Variants in ST8SIA6 observed in about 807,000 individuals in gnomAD.
ST8SIA6 encodes alpha-2,8-sialyltransferase 8F.
Under a neutral mutation model 33.6 loss-of-function variants are expected in ST8SIA6, and 39 were observed. The ratio of observed to expected loss-of-function variants is 1.16; its 90% CI spans 0.90 to 1.52. The LOEUF is 1.52. Among genes scored for constraint, ST8SIA6 ranks in the 40% most tolerant of loss-of-function variants. The pLI is 0.00. For missense variants in ST8SIA6, 441 were observed against 443.8 expected, an observed-to-expected ratio of 0.99 and a Z score of 0.06; for synonymous variants, 172 against 167.2, an observed-to-expected ratio of 1.03 and a Z score of -0.22.
intron 4 of ST8SIA6, among the ~76,000 whole-genome samples, chr10:17,333,143 A>G (rs1848354949): frequency 6.6e-6 from 1 of 152,196 alleles, no homozygotes; most frequent in African/African-American, 2.4e-5. Flanking sequence ...CCCATTCACA[A>G]TTGCCACAAA....
In ST8SIA6 at chr10:17,454,472, T is replaced by TCCCGGC. The variant is rs1484200129; in HGVS notation, c.-223_-218dup. 6.4e-6 allele frequency: 1 copy of TCCCGGC among 156,060 alleles called. No individual in the cohort carries two copies. The highest frequency in any genetic ancestry group is 1.4e-5 in the Non-Finnish European group (1 of 70,712). 9.7% of individuals were successfully genotyped at this position (156,060 alleles called of 1,614,324 possible). Reference sequence around the variant, plus strand: ...AGCCGCGTTCGGGCTCGCCCCGGGCTCCCGGCCCCGGCCCGCGGAGCGCCG... The same window carrying TCCCGGC: ...AGCCGCGTTCGGGCTCGCCCCGGGCTCCCGGCCCCGGCCCCGGCCCGCGGAGCGCCG... On this transcript the variant is annotated 5_prime_UTR_variant, in exon 1 of 8. Coordinates refer to ENST00000377602, the MANE Select transcript of ST8SIA6 (RefSeq NM_001004470.3). This position sits in a 1 kb window ranked among gnomAD's most constrained non-coding sequence, Gnocchi z 4.1.
chr10:17,342,658 T>G (rs1338383779), intron 4 of ST8SIA6, among the ~76,000 whole-genome samples: 1 of 151,978 alleles, frequency 6.6e-6, no homozygotes, highest in Non-Finnish European at 1.5e-5. Flanking sequence ...ATTTAGTAGG[T>G]GGAAAGAACA....
At chr10:17,322,184 G>C (rs1847975941) in intron 7 of ST8SIA6, among the ~76,000 whole-genome samples, 1 of 146,614 alleles carries the variant, frequency 6.8e-6, no homozygotes, top group Non-Finnish European at 1.5e-5. Context: ...GAAAGAAGGA[G>C]AGAAAGAGAG....
At chr10:17,412,939 T>G (rs1038955269) in intron 2 of ST8SIA6, among the ~76,000 whole-genome samples, 4 of 152,232 alleles carry the variant, frequency 2.6e-5, no homozygotes, top group Non-Finnish European at 5.9e-5. Flanking sequence ...AATTGTCATG[T>G]GTACTCCAAA....
rs1303622079 is a variant in ST8SIA6, at chr10:17,318,658, T to C, written c.*2220A>G. 4.3e-6 allele frequency: 2 copies of C among 470,020 alleles called. No individual in the cohort carries two copies. Among genetic ancestry groups the C allele is most frequent in the African/African-American group, 2.0e-5 (1 of 50,062 alleles). 29.1% of individuals were successfully genotyped at this position (470,020 alleles called of 1,614,324 possible). A position where few individuals can be genotyped will look rare whatever the true frequency, so the allele number is the denominator to read the frequency against. ...TGATTACATACAGATTTCTTGGGAG[T>C]GTCACAGTCAGACTTGGTTGTGGCG... On this transcript the variant is annotated 3_prime_UTR_variant, in exon 8 of 8. Coordinates refer to ENST00000377602, the MANE Select transcript of ST8SIA6 (RefSeq NM_001004470.3).
chr10:17,320,816 G>C lies in ST8SIA6; in HGVS notation c.*62C>G, dbSNP rs2131570332. On this transcript the variant is annotated 3_prime_UTR_variant, in exon 8 of 8. Coordinates refer to ENST00000377602, the MANE Select transcript of ST8SIA6 (RefSeq NM_001004470.3). ...TCTTTAGCCACCTCCTTTGGTGTTT[G>C]GAGACATTGTTAATCACCTACTGCA... 1.9e-6 allele frequency: 3 copies of C among 1,543,050 alleles called. No individual in the cohort carries two copies. The highest frequency in any genetic ancestry group is 2.7e-5 in the African/African-American group (2 of 73,430).
At chr10:17,445,461 C>G (rs1224916976) in intron 2 of ST8SIA6, among the ~76,000 whole-genome samples, 1 of 152,190 alleles carries the variant, frequency 6.6e-6, no homozygotes, top group Admixed American at 6.5e-5. Context: ...TGTAAATTTT[C>G]ACCTCAGAAA....
At chr10:17,436,214 C>G (rs1457874301) in intron 2 of ST8SIA6, among the ~76,000 whole-genome samples, 2 of 152,090 alleles carry the variant, frequency 1.3e-5, no homozygotes, top group Non-Finnish European at 2.9e-5. Context: ...GATAAAACTC[C>G]AATATTGTTT....
At chr10:17,441,448 G>A (rs1852490019) in intron 2 of ST8SIA6, among the ~76,000 whole-genome samples, 1 of 152,016 alleles carries the variant, frequency 6.6e-6, no homozygotes, top group Admixed American at 6.6e-5. Context: ...AAGTAGCTCG[G>A]ATGACAGGCA....
At chr10:17,393,885 C>T (rs45511896) in intron 2 of ST8SIA6, among the ~76,000 whole-genome samples, 6,749 of 152,330 alleles carry the variant, frequency 0.044, 207 homozygotes, top group Non-Finnish European at 0.061. Flanking sequence ...TTATCTCCCC[C>T]GCCACTTCCT....
chr10:17,338,328 C>T lies in ST8SIA6; in HGVS notation c.378-6776G>A, dbSNP rs117127581. The stretch of plus-strand genomic sequence containing the variant: ...GATTACAGGCGTGAGCCACCGTGCC[C>T]GGCTGTTATTCCCATTTTAAAGATG... On this transcript the variant is annotated intron_variant, in intron 4 of 7. Transcript: ENST00000377602. Among the ~76,000 whole-genome samples the T allele has an allele frequency of 6.9e-3, 1,057 of 152,260 alleles. 6 individuals are homozygous for T. The highest frequency in any genetic ancestry group is 0.011 in the Non-Finnish European group (774 of 68,020).
chr10:17,404,338 C>T (rs1343624691), intron 2 of ST8SIA6, among the ~76,000 whole-genome samples: 2 of 152,132 alleles, frequency 1.3e-5, no homozygotes, highest in African/African-American at 4.8e-5. Flanking sequence ...CTACCTCCCT[C>T]ATAGGGGAAA....
chr10:17,434,139 C>T (rs1002146633), intron 2 of ST8SIA6, among the ~76,000 whole-genome samples: 1 of 152,176 alleles, frequency 6.6e-6, no homozygotes, highest in African/African-American at 2.4e-5. Context: ...ATGGTCATTA[C>T]ACATGCTGCT....
chr10:17,401,160 T>C (rs1851024475), intron 2 of ST8SIA6, among the ~76,000 whole-genome samples: 1 of 152,116 alleles, frequency 6.6e-6, no homozygotes, highest in East Asian at 1.9e-4. Flanking sequence ...AGCCAAATCA[T>C]GAGTGAACTC....
intron 2 of ST8SIA6, among the ~76,000 whole-genome samples, chr10:17,428,281 C>T (rs1317891222): frequency 6.6e-6 from 1 of 152,188 alleles, no homozygotes; most frequent in Admixed American, 6.5e-5. Context: ...CCTCCCCTCC[C>T]CACACTCTGG....
chr10:17,435,860 A>G (rs1177121241), intron 2 of ST8SIA6, among the ~76,000 whole-genome samples: 1 of 152,212 alleles, frequency 6.6e-6, no homozygotes, highest in Non-Finnish European at 1.5e-5. Flanking sequence ...TCAAAAAGTT[A>G]CATCCTCTCA....
At chr10:17,330,683 C>G (rs1475046900) in intron 5 of ST8SIA6, among the ~76,000 whole-genome samples, 1 of 152,146 alleles carries the variant, frequency 6.6e-6, no homozygotes, top group East Asian at 1.9e-4. Flanking sequence ...TTTTGACCAT[C>G]TTGATATGGC....
At chr10:17,411,453 G>A (rs541654196) in intron 2 of ST8SIA6, among the ~76,000 whole-genome samples, 1 of 152,182 alleles carries the variant, frequency 6.6e-6, no homozygotes, top group Non-Finnish European at 1.5e-5. Flanking sequence ...AAAGTGCTGG[G>A]ATTACAGGCA....
chr10:17,429,510 T>G (rs1349002215), intron 2 of ST8SIA6, among the ~76,000 whole-genome samples: 1 of 151,946 alleles, frequency 6.6e-6, no homozygotes, highest in Non-Finnish European at 1.5e-5. Context: ...CTGCCTCTCC[T>G]CCCTTTCACT....
Sources: gnomAD v4.1 joint callset for allele counts (sites outside exome capture counted in the v4.1 genomes callset) on GRCh38, gnomAD v4.1.1 for gene constraint, Gnocchi (gnomAD v3.1) non-coding constraint, MANE v1.5 for transcripts, NCBI Gene and HGNC (gene_info 2026-07-23, HGNC 2026-07-21) for gene names.